Variants in HDAC9 observed in about 807,000 individuals in gnomAD.
HDAC9 encodes the protein histone deacetylase 9, also known as MEF-2 interacting transcription repressor (MITR) protein.
HDAC9 carries 41 observed loss-of-function variants against 139.4 expected under a neutral mutation model. The observed-to-expected ratio is 0.29, with a 90% CI of 0.23 to 0.38. HDAC9 has a LOEUF of 0.38. Ranked by LOEUF, HDAC9 falls within the 10% of genes least tolerant of loss-of-function variation. The pLI is 1.00. For synonymous variants in HDAC9, 517 were observed against 476.2 expected, an observed-to-expected ratio of 1.09 and a Z score of -1.12; for missense variants, 1,147 against 1,297.0, an observed-to-expected ratio of 0.88 and a Z score of 1.78.
At chr7:18,345,248 G>T (rs1782316095) in intron 1 of HDAC9, among the ~76,000 whole-genome samples, 1 of 151,938 alleles carries the variant, frequency 6.6e-6, no homozygotes, top group Non-Finnish European at 1.5e-5. Flanking sequence ...GTGTCCTTGT[G>T]TACAAAATGA....
chr7:18,690,461 A>G (rs1191871087), intron 12 of HDAC9, among the ~76,000 whole-genome samples: 4 of 151,922 alleles, frequency 2.6e-5, no homozygotes, highest in African/African-American at 9.7e-5. Flanking sequence ...TTTTTAGCCA[A>G]TCCATCTTTT....
In HDAC9 at chr7:18,985,290, A is replaced by G. The variant is rs764516779; in HGVS notation, c.3170+9337A>G. On this transcript the variant is annotated intron_variant, in intron 25 of 25. Coordinates refer to ENST00000686413, the MANE Select transcript of HDAC9 (RefSeq NM_178425.4). ...TGTGTCCATGTGTTCTCATTGTTCA[A>G]TTCCCACCTATGAGTGAGAATATGC... Among the ~76,000 whole-genome samples the G allele has an allele frequency of 9.3e-4, 142 of 152,084 alleles. 1 individual carries two copies. The highest frequency in any genetic ancestry group is 3.1e-3 in the African/African-American group (130 of 41,488).
chr7:18,300,266 C>T (rs374400033), intron 1 of HDAC9, among the ~76,000 whole-genome samples: 2 of 151,824 alleles, frequency 1.3e-5, no homozygotes, highest in Non-Finnish European at 2.9e-5. Context: ...ACAGTTCTTC[C>T]AGTCCGTGGC....
chr7:18,238,531 A>C (rs1462537464), intron 2 of HDAC9, among the ~76,000 whole-genome samples: 2 of 152,208 alleles, frequency 1.3e-5, no homozygotes, highest in Admixed American at 1.3e-4. Context: ...CATTAATCAG[A>C]GAAAGATAGA....
intron 10 of HDAC9, 115 bp downstream of exon 10, chr7:18,648,113 G>T (rs1042308240): frequency 2.1e-5 from 17 of 803,632 alleles, no homozygotes; most frequent in Non-Finnish European, 3.3e-5. Context: ...CTATACAAAA[G>T]TTTCCCTGAT....
intron 1 of HDAC9, among the ~76,000 whole-genome samples, chr7:18,143,291 C>T (rs776879312): frequency 1.1e-4 from 16 of 152,148 alleles, no homozygotes; most frequent in Non-Finnish European, 2.1e-4. Context: ...AGTTATATTA[C>T]TTGTTAATTC....
At chr7:18,646,917 A>G (rs1207036021) in intron 9 of HDAC9, among the ~76,000 whole-genome samples, 1 of 152,120 alleles carries the variant, frequency 6.6e-6, no homozygotes, top group African/African-American at 2.4e-5. Flanking sequence ...CATTTTCAAT[A>G]TTTAGAGATT....
intron 1 of HDAC9, among the ~76,000 whole-genome samples, chr7:18,446,047 T>C (rs1241815580): frequency 1.3e-5 from 2 of 152,152 alleles, no homozygotes; most frequent in Admixed American, 1.3e-4. Context: ...ATTTAAAAAG[T>C]GTAGGTCTCT....
At chr7:18,786,585 G>GCTTCCTTC (rs34314311) in intron 16 of HDAC9, among the ~76,000 whole-genome samples, 7,707 of 51,410 alleles carry the variant, frequency 0.15, 1,059 homozygotes, top group Middle Eastern at 0.24. Flanking sequence ...TGGCTGGCTG[G>GCTTCCTTC]CTTCCTTCCT....
chr7:18,157,812 AGAGAGAG>A (rs1787323953), intron 1 of HDAC9, among the ~76,000 whole-genome samples: 3 of 80,192 alleles, frequency 3.7e-5, no homozygotes, highest in African/African-American at 1.4e-4. Context: ...CATGAGAGAG[AGAGAGAG>A]AGAGAGAGAG....
intron 2 of HDAC9, among the ~76,000 whole-genome samples, chr7:18,208,026 T>C (rs1424536598): frequency 6.6e-6 from 1 of 152,086 alleles, no homozygotes; most frequent in East Asian, 1.9e-4. Flanking sequence ...TTTATGTTAT[T>C]TTTAAAAAGC....
Position 18,114,036 on chromosome 7 carries a change from G to A in HDAC9, c.-97+26823G>A, listed in dbSNP as rs572196151. Among the ~76,000 whole-genome samples the A allele has an allele frequency of 1.5e-3, 229 of 152,234 alleles. 1 individual carries two copies. The highest frequency in any genetic ancestry group is 2.9e-3 in the Non-Finnish European group (197 of 68,032). ...CAGTCTAACAGCACCTCAGACATCT[G>A]GCTGAGGACCTCAAGACTTTGGAAA... is the stretch of plus-strand genomic sequence containing the variant. On this transcript the variant is annotated intron_variant, in intron 1 of 12. Transcript: ENST00000417496.
At chr7:18,475,848 A>T (rs1428389996) in intron 1 of HDAC9, among the ~76,000 whole-genome samples, 1 of 152,216 alleles carries the variant, frequency 6.6e-6, no homozygotes, top group Non-Finnish European at 1.5e-5. Context: ...AATAATCCAG[A>T]ACATCTCAAT....
At chr7:18,314,061 C>T (rs1406219095) in intron 1 of HDAC9, among the ~76,000 whole-genome samples, 1 of 152,118 alleles carries the variant, frequency 6.6e-6, no homozygotes, top group Admixed American at 6.6e-5. Flanking sequence ...AGAGATTATT[C>T]TTTTTACTAT....
intron 2 of HDAC9, among the ~76,000 whole-genome samples, chr7:18,502,877 T>C (rs766334105): frequency 2.0e-5 from 3 of 152,154 alleles, no homozygotes; most frequent in Non-Finnish European, 2.9e-5. Flanking sequence ...CCTTTAATGT[T>C]GGCTTCGAGG....
At chr7:18,930,182 A>G (rs941275119) in intron 22 of HDAC9, among the ~76,000 whole-genome samples, 2 of 151,962 alleles carry the variant, frequency 1.3e-5, no homozygotes, top group African/African-American at 4.8e-5. Context: ...TTCCATCTCT[A>G]TGTCCAGTGA....
intron 8 of HDAC9, among the ~76,000 whole-genome samples, chr7:18,637,645 C>G (rs1402218864): frequency 6.6e-6 from 1 of 152,086 alleles, no homozygotes; most frequent in Non-Finnish European, 1.5e-5. Context: ...CAAGCAGTGA[C>G]TTACCTCATA....
intron 14 of HDAC9, among the ~76,000 whole-genome samples, chr7:18,750,402 A>G (rs898724817): frequency 2.2e-5 from 3 of 135,230 alleles, no homozygotes; most frequent in Non-Finnish European, 3.1e-5. Flanking sequence ...ATATACCACA[A>G]CACCATGTAC....
intron 16 of HDAC9, among the ~76,000 whole-genome samples, chr7:18,768,793 T>G (rs1206044926): frequency 6.6e-6 from 1 of 152,176 alleles, no homozygotes; most frequent in Non-Finnish European, 1.5e-5. Flanking sequence ...TGGTTCAATT[T>G]ATGATTTTTT....
Sources: gnomAD v4.1 joint callset for allele counts (sites outside exome capture counted in the v4.1 genomes callset) on GRCh38, gnomAD v4.1.1 for gene constraint, MANE v1.5 for transcripts, NCBI Gene and HGNC (gene_info 2026-07-23, HGNC 2026-07-21) for gene names.